Variants in DNMT3L observed in about 807,000 individuals in gnomAD.
DNMT3L encodes DNA methyltransferase 3 like.
A neutral mutation model predicts 36.2 loss-of-function variants in DNMT3L; 33 were observed. The ratio of observed to expected loss-of-function variants is 0.91; its 90% confidence interval spans 0.69 to 1.22. The LOEUF is 1.22. Ranked by LOEUF, DNMT3L falls within the 50% of genes most tolerant of loss-of-function variation. DNMT3L has a pLI of 0.00. For synonymous variants in DNMT3L, 117 were observed against 121.7 expected (o/e 0.96, Z 0.26); for missense variants, 310 against 303.1 (o/e 1.02, Z -0.17).
At chr21:44,253,201 T>G (rs536066082) in intron 8 of DNMT3L, among the ~76,000 whole-genome samples, 33 of 51,816 alleles carry the variant, frequency 6.4e-4, no homozygotes, top group African/African-American at 2.6e-3. Flanking sequence ...GGCAGAGCCT[T>G]CCCTGCTGAA....
Position 44,258,769 on chromosome 21 carries a change from T to C in DNMT3L, c.345-75A>G, listed in dbSNP as rs903273316. The C allele has an allele frequency of 3.3e-6, 5 of 1,535,436 alleles. No individual in the cohort carries two copies. The highest frequency in any genetic ancestry group is 1.2e-5 in the South Asian group (1 of 80,706). On this transcript the variant is annotated intron_variant, in intron 5 of 11. Transcript: ENST00000628202. The surrounding 1 kb of genome is among the most constrained non-coding windows in gnomAD (Gnocchi z 6.2). ...CTGAGGATGGCAGAGGTGGGCCTGA[T>C]TGAGCCTTGTTTTGGAGGGAAAAGT... is the stretch of plus-strand genomic sequence containing the variant.
chr21:44,261,353 G>A, intron 1 of DNMT3L, 87 bp from the exon 2 acceptor site: 2 of 1,322,768 alleles, frequency 1.5e-6, no homozygotes, highest in Non-Finnish European at 2.1e-6. Context: ...GAAGCAGCTT[G>A]CTGAGCAGAC....
At chr21:44,261,039 C>T (rs2040312697) in intron 2 of DNMT3L, 115 bp downstream of exon 2, 19 of 1,424,938 alleles carry the variant, frequency 1.3e-5, no homozygotes, top group Admixed American at 3.6e-5. Flanking sequence ...CCTCCTGCCC[C>T]AGCCCGGGTG....
intron 6 of DNMT3L, among the ~76,000 whole-genome samples, chr21:44,257,621 C>T (rs1358100341): frequency 2.7e-5 from 4 of 145,924 alleles, no homozygotes; most frequent in Non-Finnish European, 6.0e-5. Flanking sequence ...GCGGAGCTTG[C>T]AGTGAGCCGA....
At chr21:44,254,218 T>A (rs896832721) in intron 8 of DNMT3L, among the ~76,000 whole-genome samples, 2 of 152,212 alleles carry the variant, frequency 1.3e-5, no homozygotes, top group African/African-American at 4.8e-5. Flanking sequence ...CTCCTCATTT[T>A]AGAGGGTGGA....
intron 7 of DNMT3L, 43 bp downstream of exon 7, chr21:44,256,024 G>C (rs377424986): frequency 8.1e-6 from 13 of 1,606,094 alleles, no homozygotes; most frequent in Non-Finnish European, 8.5e-6. Context: ...CAGGTGTTTA[G>C]AGGCATCTTT....
chr21:44,254,864 C>T (rs991022533), intron 7 of DNMT3L, among the ~76,000 whole-genome samples, 159 bp from the exon 8 acceptor site: 1 of 152,162 alleles, frequency 6.6e-6, no homozygotes, highest in African/African-American at 2.4e-5. Context: ...CTCCCTCTGT[C>T]GCCCAGGCTG....
At chr21:44,256,510 C>T (rs1015978563) in intron 6 of DNMT3L, among the ~76,000 whole-genome samples, 2 of 149,988 alleles carry the variant, frequency 1.3e-5, no homozygotes, top group Non-Finnish European at 2.9e-5. Flanking sequence ...TGCAACTTTC[C>T]GCCTCCCGGG....
rs1455262856 is a variant in DNMT3L, at chr21:44,260,779, G to C, written c.151+16C>G. ...CGTCTCTTTTGTCTGGTGTGGGCCA[G>C]TATGCAAACACTCACCTTCTATATT... On this transcript the variant is annotated intron_variant, in intron 3 of 11. Coordinates refer to ENST00000628202, the MANE Select transcript of DNMT3L (RefSeq NM_175867.3). The C allele has an allele frequency of 1.9e-6, 3 of 1,613,034 alleles. No homozygotes were observed. Among genetic ancestry groups the C allele is most frequent in the Non-Finnish European group, 2.5e-6 (3 of 1,179,920 alleles).
intron 3 of DNMT3L, 107 bp downstream of exon 3, chr21:44,260,688 G>T (rs992416075): frequency 1.0e-5 from 15 of 1,447,892 alleles, no homozygotes; most frequent in Admixed American, 1.0e-4. Context: ...AAACTCCTGG[G>T]CTCAAATGAT....
rs955457438 is a variant in DNMT3L at position 44,258,003 on chromosome 21, A to T, written c.516+520T>A. Reference sequence around the variant, plus strand: ...GTCGCTGCATTGAGGGCCCACCCTAAATCTGGAATGATCTCATCTCGTGAT... The same window carrying T: ...GTCGCTGCATTGAGGGCCCACCCTATATCTGGAATGATCTCATCTCGTGAT... On this transcript the variant is annotated intron_variant, in intron 6 of 11. Coordinates refer to ENST00000628202, the MANE Select transcript of DNMT3L (RefSeq NM_175867.3). This position sits in a 1 kb window ranked among gnomAD's most constrained non-coding sequence, Gnocchi z 6.2. 2.6e-5 allele frequency among the ~76,000 whole-genome samples: 4 copies of T among 152,218 alleles called. No homozygotes were observed. The highest frequency in any genetic ancestry group is 1.5e-5 in the Non-Finnish European group (1 of 68,030).
chr21:44,261,049 G>C lies in DNMT3L; in HGVS notation c.106+105C>G, dbSNP rs532590880. ...GGGAACCTCCTGCCCCAGCCCGGGT[G>C]CCTGAATAATGCATGAATACTCCAG... On this transcript the variant is annotated intron_variant, in intron 2 of 11. Transcript: ENST00000628202. The C allele has an allele frequency of 1.1e-5, 16 of 1,447,462 alleles. No individual in the cohort carries two copies. The East Asian group carries it at 3.2e-4, about 29-fold the overall frequency. The allele number at this position is 1,447,462 out of a possible 1,614,324, so 89.7% of individuals were successfully genotyped here. A position where few individuals can be genotyped will look rare whatever the true frequency, so the allele number is the denominator to read the frequency against.
chr21:44,259,284 C>T (rs2040293941), intron 5 of DNMT3L, among the ~76,000 whole-genome samples, 153 bp downstream of exon 5: 1 of 152,192 alleles, frequency 6.6e-6, no homozygotes, highest in Admixed American at 6.5e-5. Context: ...GCTCAGGGCT[C>T]TATGCCAAAT....
chr21:44,254,561 G>A, intron 8 of DNMT3L, 56 bp downstream of exon 8: 1 of 1,588,080 alleles, frequency 6.3e-7, no homozygotes, highest in Non-Finnish European at 8.6e-7. Flanking sequence ...TTTCCTCTGA[G>A]GAAGCTCGCA....
At position 44,256,097 on chromosome 21, in the gene DNMT3L, C is replaced by G; in HGVS notation, c.574G>C (p.Val192Leu). The G allele has an allele frequency of 6.2e-7, 1 of 1,613,960 alleles. No homozygotes were observed. The highest frequency in any genetic ancestry group is 1.3e-5 in the African/African-American group (1 of 75,026). The stretch of plus-strand genomic sequence containing the variant: ...TTGATGTCTTCAAAAAGGGACAGCA[C>G]CCGGACTGGCTGTCTCCTCCACACA... ...VPVWRRQPVRVLSLFEDIKKE... is the reference protein window; with the variant it reads ...VPVWRRQPVRLLSLFEDIKKE... Residue 192 changes from valine to leucine, a missense_variant, in exon 7 of 12, where the codon GTG becomes CTG. Val to Leu is a conservative substitution (Grantham distance 32). Transcript: ENST00000628202.
chr21:44,261,113 G>C, intron 2 of DNMT3L, 41 bp downstream of exon 2: 1 of 1,602,442 alleles, frequency 6.2e-7, no homozygotes, highest in Non-Finnish European at 8.5e-7. Flanking sequence ...CCTGGGATCA[G>C]CATCCTAAGT....
intron 7 of DNMT3L, among the ~76,000 whole-genome samples, chr21:44,255,666 T>C (rs929599520): frequency 3.9e-5 from 6 of 152,176 alleles, no homozygotes; most frequent in African/African-American, 9.6e-5. Flanking sequence ...GGCCCTGGCT[T>C]TCTCAGCCCC....
At chr21:44,255,964 C>A in intron 7 of DNMT3L, 103 bp downstream of exon 7, 1 of 1,106,490 alleles carries the variant, frequency 9.0e-7, no homozygotes, top group Non-Finnish European at 1.3e-6. Context: ...AGCAGTTGGC[C>A]GGTCTAGGGG....
chr21:44,255,988 T>TC, intron 7 of DNMT3L, 79 bp downstream of exon 7: 2 of 1,396,360 alleles, frequency 1.4e-6, no homozygotes, highest in South Asian at 2.4e-5. Context: ...GGGTGGGGAG[T>TC]CCCGGGGGGT....
Sources: allele counts gnomAD v4.1 joint callset (sites outside exome capture counted in the v4.1 genomes callset), GRCh38; gene constraint gnomAD v4.1.1; non-coding constraint Gnocchi (gnomAD v3.1); transcripts MANE v1.5; gene names NCBI Gene and HGNC (gene_info 2026-07-23, HGNC 2026-07-21).